EVA1A: variants seen among roughly 807,000 people sequenced by gnomAD.
EVA1A encodes the protein eva-1 homolog A, regulator of programmed cell death, also known as protein eva-1 homolog A.
Under a neutral mutation model 9.8 loss-of-function variants are expected in EVA1A, and 7 were observed. That is an observed-to-expected ratio of 0.71 (90% CI 0.41 to 1.34). The LOEUF is 1.34. Among genes scored for constraint, EVA1A ranks in the 40% most tolerant of loss-of-function variants. The probability of loss-of-function intolerance (pLI) is 0.01; values close to 1 mark genes in which losing one functional copy is unlikely to be tolerated. For synonymous variants in EVA1A, 90 were observed against 85.6 expected, an observed-to-expected ratio of 1.05 and a Z score of -0.28; for missense variants, 206 against 205.9, an observed-to-expected ratio of 1.00 and a Z score of 0.00.
intron 3 of EVA1A, among the ~76,000 whole-genome samples, chr2:75,502,656 T>C (rs748117341): frequency 1.3e-5 from 2 of 152,156 alleles, no homozygotes; most frequent in Non-Finnish European, 1.5e-5. Flanking sequence ...AGATAGATGA[T>C]AGATACATAC....
intron 3 of EVA1A, among the ~76,000 whole-genome samples, chr2:75,508,321 A>T (rs1674690179): frequency 6.6e-6 from 1 of 152,226 alleles, no homozygotes; most frequent in Non-Finnish European, 1.5e-5. Flanking sequence ...TTTCAAAAGC[A>T]AATGGGAGAA....
chr2:75,555,023 T>C (rs1035437900), intron 1 of EVA1A, among the ~76,000 whole-genome samples: 6 of 152,218 alleles, frequency 3.9e-5, no homozygotes, highest in Non-Finnish European at 5.9e-5. Flanking sequence ...ACTTACTAAG[T>C]GCCTCCTATG....
chr2:75,496,592 A>C (rs1674219860), intron 3 of EVA1A, among the ~76,000 whole-genome samples: 1 of 152,234 alleles, frequency 6.6e-6, no homozygotes. Context: ...ACATTGTTAA[A>C]ATGGCCATAC....
At position 75,537,303 on chromosome 2, in the gene EVA1A, G is replaced by A. The variant is rs911550636; in HGVS notation, c.-191-14816C>T. On this transcript the variant is annotated intron_variant, in intron 1 of 3. Coordinates refer to ENST00000393913, the MANE Select transcript of EVA1A (RefSeq NM_001135032.2). ...AATTCTCAGAAAAATATGAATAGAG[G>A]GGAATTGCCTCAACTTGATAAAGAG... Among the ~76,000 whole-genome samples the A allele has an allele frequency of 3.9e-5, 6 of 152,184 alleles. No homozygotes were observed. The South Asian group carries it at 1.2e-3, about 32-fold the overall frequency.
intron 3 of EVA1A, among the ~76,000 whole-genome samples, chr2:75,509,302 A>G (rs1386296071): frequency 6.6e-6 from 1 of 152,162 alleles, no homozygotes; most frequent in African/African-American, 2.4e-5. Flanking sequence ...TGTGTAAATG[A>G]CTGAATTTTG....
chr2:75,513,610 A>G (rs1674897669), intron 3 of EVA1A, among the ~76,000 whole-genome samples: 1 of 152,230 alleles, frequency 6.6e-6, no homozygotes, highest in Non-Finnish European at 1.5e-5. Flanking sequence ...CCTATTCATA[A>G]TAGTCAAGAA....
chr2:75,493,842 G>C (rs1284618819), intron 3 of EVA1A, among the ~76,000 whole-genome samples: 1 of 152,210 alleles, frequency 6.6e-6, no homozygotes, highest in Admixed American at 6.5e-5. Flanking sequence ...TTAACTTAGA[G>C]ATTATTCCCA....
intron 1 of EVA1A, among the ~76,000 whole-genome samples, chr2:75,552,007 C>A (rs1453780119): frequency 6.6e-6 from 1 of 151,974 alleles, no homozygotes; most frequent in Non-Finnish European, 1.5e-5. Context: ...ATAGTGAGAC[C>A]CTGCTCTACA....
intron 1 of EVA1A, among the ~76,000 whole-genome samples, chr2:75,566,320 G>A (rs891278975): frequency 3.9e-5 from 6 of 152,114 alleles, no homozygotes; most frequent in Non-Finnish European, 7.4e-5. Flanking sequence ...GATTCCAGAT[G>A]TAGACAACCA....
chr2:75,530,145 C>A (rs1675592559), intron 1 of EVA1A, among the ~76,000 whole-genome samples: 1 of 152,078 alleles, frequency 6.6e-6, no homozygotes, highest in African/African-American at 2.4e-5. Flanking sequence ...ACTAGAAAAT[C>A]TAGAGGGGAT....
At chr2:75,550,179 G>C (rs1055579744) in intron 1 of EVA1A, among the ~76,000 whole-genome samples, 2 of 152,130 alleles carry the variant, frequency 1.3e-5, no homozygotes, top group African/African-American at 4.8e-5. Flanking sequence ...CCATTATTAA[G>C]AACTTTAAAT....
chr2:75,508,159 G>A (rs1484567101), intron 3 of EVA1A, among the ~76,000 whole-genome samples: 2 of 152,094 alleles, frequency 1.3e-5, no homozygotes, highest in African/African-American at 4.8e-5. Flanking sequence ...TGCATTAACT[G>A]CACAAATTGT....
Position 75,568,450 on chromosome 2 carries a change from G to A in EVA1A, c.-192+1026C>T, listed in dbSNP as rs148099641. 1.6e-3 allele frequency among the ~76,000 whole-genome samples: 246 copies of A among 151,304 alleles called. 1 individual carries two copies. Among genetic ancestry groups the A allele is most frequent in the African/African-American group, 5.1e-3 (210 of 41,312 alleles). On this transcript the variant is annotated intron_variant, in intron 1 of 3. Coordinates refer to the EVA1A transcript ENST00000233712. ...GATTCTGGACCCATTTCTAGATATT[G>A]TCCTTTTTTTAATTTTTATTTTATT...
chr2:75,495,954 G>A (rs1488728335), intron 3 of EVA1A, among the ~76,000 whole-genome samples: 1 of 151,970 alleles, frequency 6.6e-6, no homozygotes, highest in African/African-American at 2.4e-5. Flanking sequence ...ACATCCCTAG[G>A]CCACATGACA....
intron 3 of EVA1A, among the ~76,000 whole-genome samples, chr2:75,509,393 C>A (rs1674732227): frequency 6.6e-6 from 1 of 152,134 alleles, no homozygotes; most frequent in Non-Finnish European, 1.5e-5. Flanking sequence ...CAAATATTTG[C>A]TGTTAACCAG....
intron 1 of EVA1A, among the ~76,000 whole-genome samples, chr2:75,548,862 G>T (rs1414426099): frequency 6.6e-6 from 1 of 151,716 alleles, no homozygotes; most frequent in African/African-American, 2.4e-5. Flanking sequence ...TAATAACTGT[G>T]AGCCCCCAGA....
chr2:75,506,237 T>C (rs900207674), intron 3 of EVA1A, among the ~76,000 whole-genome samples: 2 of 152,258 alleles, frequency 1.3e-5, no homozygotes, highest in African/African-American at 4.8e-5. Flanking sequence ...TTAATGCTAC[T>C]TCCTTTTTTG....
intron 3 of EVA1A, among the ~76,000 whole-genome samples, chr2:75,508,265 C>T (rs1674687579): frequency 6.6e-6 from 1 of 152,192 alleles, no homozygotes. Flanking sequence ...TAACCTGAAA[C>T]TCTGACTGCC....
At chr2:75,497,778 G>C (rs1674263077) in intron 3 of EVA1A, among the ~76,000 whole-genome samples, 1 of 138,840 alleles carries the variant, frequency 7.2e-6, no homozygotes, top group Non-Finnish European at 1.5e-5. Context: ...TTGAGCCAGG[G>C]AAGTAGAGGC....
Sources: gnomAD v4.1 joint callset for allele counts (sites outside exome capture counted in the v4.1 genomes callset) on GRCh38, gnomAD v4.1.1 for gene constraint, MANE v1.5 for transcripts, NCBI Gene and HGNC (gene_info 2026-07-23, HGNC 2026-07-21) for gene names.